The following SORL1 variants were observed in gnomAD, a reference collection of about 807,000 sequenced individuals.
SORL1 encodes the protein sortilin-related receptor.
In SORL1, 127 loss-of-function variants were observed where a neutral mutation model predicts 273.7. That is an observed-to-expected ratio of 0.46 (90% CI 0.40 to 0.54). The LOEUF is 0.54. SORL1 is among the 20% of genes least tolerant of loss of function. The pLI is 0.00. For missense variants in SORL1, 2,494 were observed against 2,846.1 expected, an observed-to-expected ratio of 0.88 and a Z score of 2.81; for synonymous variants, 1,031 against 1,067.4, an observed-to-expected ratio of 0.97 and a Z score of 0.66.
At chr11:121,614,671 C>T (rs1863614025) in intron 40 of SORL1, 200 bp from the exon 41 acceptor site, 2 of 520,778 alleles carry the variant, frequency 3.8e-6, no homozygotes, top group African/African-American at 4.0e-5. Context: ...TTACCCAGTG[C>T]TTGTGCAGTG....
rs1401910068 is a variant in SORL1 at position 121,629,692 on chromosome 11, A to G, written c.*129A>G. The G allele has an allele frequency of 4.8e-5, 8 of 165,336 alleles. No homozygotes were observed. Among genetic ancestry groups the G allele is most frequent in the Admixed American group, 4.2e-4 (6 of 14,366 alleles). The allele number at this position is 165,336 out of a possible 1,614,324, so 10.2% of individuals were successfully genotyped here. A position where few individuals can be genotyped will look rare whatever the true frequency, so the allele number is the denominator to read the frequency against. On this transcript the variant is annotated 3_prime_UTR_variant, in exon 48 of 48. Coordinates refer to ENST00000260197, the MANE Select transcript of SORL1 (RefSeq NM_003105.6). ...TTTATATGGGCCAAAAACAAAAAACAAAAAAAAAAAAAAGGAAAGAAAGGA... is the reference window on the plus strand; with the variant it reads ...TTTATATGGGCCAAAAACAAAAAACGAAAAAAAAAAAAAGGAAAGAAAGGA...
chr11:121,496,330 A>T (rs1023138550), intron 5 of SORL1, among the ~76,000 whole-genome samples: 4 of 152,236 alleles, frequency 2.6e-5, no homozygotes, highest in Non-Finnish European at 5.9e-5. Flanking sequence ...GAAGAGCCTC[A>T]TGGGAGACGA....
chr11:121,614,479 G>C (rs1423320923), intron 40 of SORL1: 4 of 172,208 alleles, frequency 2.3e-5, no homozygotes, highest in Non-Finnish European at 4.9e-5. Context: ...ATTACATTCA[G>C]TTTTTTCCTG....
intron 6 of SORL1, among the ~76,000 whole-genome samples, chr11:121,506,853 C>T (rs1861794241): frequency 6.6e-6 from 1 of 151,968 alleles, no homozygotes; most frequent in Non-Finnish European, 1.5e-5. Context: ...TTCTATATTC[C>T]TGATAAATTT....
chr11:121,624,346 A>AT (rs1186337317), intron 45 of SORL1, among the ~76,000 whole-genome samples: 2 of 152,276 alleles, frequency 1.3e-5, no homozygotes, highest in Non-Finnish European at 2.9e-5. Context: ...TGACACTGGA[A>AT]TAGTTGGGGA....
intron 18 of SORL1, among the ~76,000 whole-genome samples, chr11:121,556,065 C>A (rs1474800368): frequency 6.6e-6 from 1 of 152,204 alleles, no homozygotes. Context: ...TCCACTAGCT[C>A]AGCGACATGG....
At chr11:121,480,094 A>C (rs1861349303) in intron 3 of SORL1, among the ~76,000 whole-genome samples, 1 of 152,108 alleles carries the variant, frequency 6.6e-6, no homozygotes, top group South Asian at 2.1e-4. Flanking sequence ...TCTTCTGTGG[A>C]TGGATCCATA....
chr11:121,629,435 G>T, intron 47 of SORL1, 61 bp from the exon 48 acceptor site: 1 of 847,806 alleles, frequency 1.2e-6, no homozygotes, highest in Non-Finnish European at 2.1e-6. Flanking sequence ...TAGAGTGGTG[G>T]GATATGGGGT....
At position 121,543,749 on chromosome 11, in the gene SORL1, C is replaced by A. The variant is rs780069934; in HGVS notation, c.1864+23C>A. 8 of 1,601,164 alleles carry A rather than the reference C, an allele frequency of 5.0e-6. No individual in the cohort carries two copies. The South Asian group carries it at 8.8e-5, about 18-fold the overall frequency. ...TGGGTAAGCTGCTGCCTCCTTGGAC[C>A]TTTTCACATGGATATGCGTGGACTT... On this transcript the variant is annotated intron_variant, in intron 13 of 47. Coordinates refer to ENST00000260197, the MANE Select transcript of SORL1 (RefSeq NM_003105.6).
At chr11:121,628,261 A>C (rs1422345685) in intron 47 of SORL1, among the ~76,000 whole-genome samples, 2 of 152,058 alleles carry the variant, frequency 1.3e-5, no homozygotes, top group African/African-American at 4.8e-5. Context: ...CCTTTTTTGC[A>C]CCAGGGACCA....
intron 30 of SORL1, chr11:121,590,499 C>G (rs1353411331): frequency 2.0e-6 from 1 of 507,020 alleles, no homozygotes; most frequent in South Asian, 2.3e-5. Context: ...CACCCCAGAC[C>G]TACAGAGTCA....
Position 121,611,121 on chromosome 11 carries a change from A to G in SORL1, c.5285A>G (p.Tyr1762Cys). ...DIHIDSYGEN[Y>C]LSFTLTMESD... The stretch of plus-strand genomic sequence containing the variant: ...CACATTGACAGCTATGGTGAAAATT[A>G]TCTAAGCTTCACCCTGACCATGGAG... Residue 1762 changes from tyrosine (Y) to cysteine (C), a missense_variant, in exon 39 of 48, where the codon TAT (tyrosine) becomes TGT (cysteine). Tyr to Cys is a radical substitution (Grantham distance 194). Transcript: ENST00000260197. The G allele has an allele frequency of 6.2e-7, 1 of 1,613,744 alleles. No homozygotes were observed. The highest frequency in any genetic ancestry group is 8.5e-7 in the Non-Finnish European group (1 of 1,179,620).
At chr11:121,614,726 G>A in intron 40 of SORL1, 145 bp from the exon 41 acceptor site, 1 of 652,756 alleles carries the variant, frequency 1.5e-6, no homozygotes, top group Non-Finnish European at 2.7e-6. Context: ...GAATGAATTT[G>A]TCATCTAATG....
At chr11:121,590,426 G>C (rs1406040394) in intron 30 of SORL1, 4 of 503,446 alleles carry the variant, frequency 7.9e-6, no homozygotes, top group Non-Finnish European at 1.4e-5. Flanking sequence ...CTCAAAGTAT[G>C]GTTTGCAACC....
chr11:121,520,825 A>G lies in SORL1; in HGVS notation c.1380A>G (p.Gly460=). 6.3e-7 allele frequency: 1 copy of G among 1,596,724 alleles called. No individual in the cohort carries two copies. The highest frequency in any genetic ancestry group is 2.2e-5 in the East Asian group (1 of 44,754). ...TTCTTCAGGCTCCAGCCTTCACGGG[A>G]TATGGAGAGAAAATCAATTGTGAGG... ...WEFLQAPAFT[G]YGEKINCELS... is the part of the protein sequence containing the mutation. The change falls in exon 9 of 48, where the codon GGA becomes GGG. Residue 460 remains glycine (G), a synonymous_variant. Transcript: ENST00000260197.
intron 6 of SORL1, among the ~76,000 whole-genome samples, chr11:121,500,968 A>G (rs1168335679): frequency 6.6e-6 from 1 of 152,238 alleles, no homozygotes; most frequent in Admixed American, 6.5e-5. Flanking sequence ...ATCAGAGGTA[A>G]CAGAACAGTT....
At chr11:121,496,145 A>G (rs1208511610) in intron 5 of SORL1, among the ~76,000 whole-genome samples, 1 of 152,238 alleles carries the variant, frequency 6.6e-6, no homozygotes, top group South Asian at 2.1e-4. Context: ...TTCCTGGAAG[A>G]TGAAGACTTG....
chr11:121,469,860 G>A (rs944935543), intron 1 of SORL1, 147 bp from the exon 2 acceptor site: 1 of 681,148 alleles, frequency 1.5e-6, no homozygotes, highest in Admixed American at 2.0e-5. Flanking sequence ...GCATGAGGTG[G>A]GAGGGGAAGA....
chr11:121,480,633 C>A (rs1353014091), intron 3 of SORL1, among the ~76,000 whole-genome samples: 1 of 148,494 alleles, frequency 6.7e-6, no homozygotes, highest in Non-Finnish European at 1.5e-5. Context: ...GCACAGATAC[C>A]TATAGGCAGG....
Sources: allele counts gnomAD v4.1 joint callset (sites outside exome capture counted in the v4.1 genomes callset), GRCh38; gene constraint gnomAD v4.1.1; transcripts MANE v1.5; gene names NCBI Gene and HGNC (gene_info 2026-07-23, HGNC 2026-07-21).